Variants in APBB2 observed in about 807,000 individuals in gnomAD.
APBB2 encodes the protein amyloid beta precursor protein binding family B member 2, also known as Fe65-like 1.
APBB2 carries 38 observed loss-of-function variants against 82.5 expected under a neutral mutation model. The observed-to-expected ratio is 0.46, with a 90% CI of 0.36 to 0.60. APBB2 has a LOEUF of 0.60. APBB2 is among the 20% of genes least tolerant of loss of function. APBB2 has a pLI of 0.00. For missense variants in APBB2, 772 were observed against 972.3 expected, an observed-to-expected ratio of 0.79 and a Z score of 2.74; for synonymous variants, 341 against 368.2, an observed-to-expected ratio of 0.93 and a Z score of 0.85.
chr4:40,912,586 A>G (rs533055597), intron 10 of APBB2, among the ~76,000 whole-genome samples: 1 of 152,194 alleles, frequency 6.6e-6, no homozygotes, highest in East Asian at 1.9e-4. Context: ...CATAAAAAAA[A>G]AAAAAAAGGA....
At chr4:40,911,480 TAA>T (rs951712567) in intron 10 of APBB2, among the ~76,000 whole-genome samples, 5 of 152,216 alleles carry the variant, frequency 3.3e-5, no homozygotes, top group Admixed American at 6.5e-5. Flanking sequence ...CCTAGTGATA[TAA>T]AAGTCATATA....
chr4:40,907,002 C>T (rs1484171891), intron 10 of APBB2, among the ~76,000 whole-genome samples: 1 of 152,038 alleles, frequency 6.6e-6, no homozygotes, highest in Non-Finnish European at 1.5e-5. Context: ...ATATGCATGT[C>T]TATATGTGTA....
At chr4:41,176,251 A>T (rs1298171464) in intron 1 of APBB2, among the ~76,000 whole-genome samples, 2 of 152,214 alleles carry the variant, frequency 1.3e-5, no homozygotes, top group Admixed American at 6.5e-5. Flanking sequence ...AAGCATAAAG[A>T]GTCCAAAAAG....
intron 4 of APBB2, among the ~76,000 whole-genome samples, chr4:41,049,493 C>CCTCCAGGAGGGAG (rs1725069888): frequency 1.4e-5 from 2 of 146,826 alleles, no homozygotes; most frequent in African/African-American, 5.0e-5. Flanking sequence ...CCAGCCGCCC[C>CCTCCAGGAGGGAG]GTCCGGGAGG....
chr4:40,879,696 CT>C (rs928858768), intron 12 of APBB2, among the ~76,000 whole-genome samples: 195 of 142,128 alleles, frequency 1.4e-3, no homozygotes, highest in Admixed American at 1.5e-3. Context: ...TTTTTTCTTT[CT>C]TTTTTTTTTT....
intron 6 of APBB2, among the ~76,000 whole-genome samples, chr4:40,986,287 A>T (rs530576138): frequency 6.6e-6 from 1 of 152,220 alleles, no homozygotes; most frequent in Non-Finnish European, 1.5e-5. Context: ...TCTGGTTGTC[A>T]CCATGCAATC....
rs561083871 is a variant in APBB2, at chr4:40,893,355, G to A, written c.1311C>T (p.Pro437=). Residue 437 remains proline, a synonymous_variant, in exon 11 of 18, where the codon CCC becomes CCT. Transcript: ENST00000508593. ...WVEMAEEDLA[P]GKSSVAVNNC... ...TGTTGACCGCAACACTACTTTTACC[G>A]GGGGCGAGGTCCTCTTCTGCCATCT... The A allele has an allele frequency of 4.2e-5, 67 of 1,612,908 alleles. No homozygotes were observed. The Middle Eastern group carries it at 6.6e-4, about 16-fold the overall frequency.
At chr4:40,911,039 C>T (rs1019329551) in intron 10 of APBB2, among the ~76,000 whole-genome samples, 31 of 152,370 alleles carry the variant, frequency 2.0e-4, no homozygotes, top group African/African-American at 7.0e-4. Context: ...GTATGACACA[C>T]GGCAAGTTGC....
At chr4:40,983,244 G>GC (rs1799585903) in intron 6 of APBB2, among the ~76,000 whole-genome samples, 1 of 152,180 alleles carries the variant, frequency 6.6e-6, no homozygotes, top group Non-Finnish European at 1.5e-5. Flanking sequence ...AGGCAGTCTT[G>GC]CTCCACGGCC....
At chr4:41,054,319 T>C (rs1727086605) in intron 4 of APBB2, among the ~76,000 whole-genome samples, 1 of 152,206 alleles carries the variant, frequency 6.6e-6, no homozygotes, top group Admixed American at 6.5e-5. Flanking sequence ...CAGGTCTCAC[T>C]GGCCAGAAGT....
At chr4:40,902,973 T>A (rs576013043) in intron 10 of APBB2, among the ~76,000 whole-genome samples, 1 of 152,152 alleles carries the variant, frequency 6.6e-6, no homozygotes, top group African/African-American at 2.4e-5. Flanking sequence ...AGACATGGTC[T>A]GTAAAAAAAA....
At chr4:40,985,098 A>G (rs2154406644) in intron 6 of APBB2, among the ~76,000 whole-genome samples, 1 of 151,360 alleles carries the variant, frequency 6.6e-6, no homozygotes. Context: ...TTTTTTTTGT[A>G]GAGATGGGGT....
intron 1 of APBB2, among the ~76,000 whole-genome samples, chr4:41,161,633 A>G (rs550438971): frequency 3.3e-5 from 5 of 152,174 alleles, no homozygotes; most frequent in Non-Finnish European, 7.4e-5. Context: ...AAAATAAAGT[A>G]CAACATTCCA....
At chr4:40,843,907 T>C (rs1477813685) in intron 12 of APBB2, among the ~76,000 whole-genome samples, 1 of 152,176 alleles carries the variant, frequency 6.6e-6, no homozygotes, top group East Asian at 1.9e-4. Flanking sequence ...CGAATTCTAG[T>C]CTTAGATGCA....
At chr4:41,105,080 G>T (rs1477104252) in intron 2 of APBB2, among the ~76,000 whole-genome samples, 1 of 152,224 alleles carries the variant, frequency 6.6e-6, no homozygotes, top group Non-Finnish European at 1.5e-5. Flanking sequence ...AGAATGTGCT[G>T]AGGATTGAAA....
At chr4:40,855,618 C>A (rs1760938445) in intron 12 of APBB2, among the ~76,000 whole-genome samples, 1 of 152,058 alleles carries the variant, frequency 6.6e-6, no homozygotes. Flanking sequence ...CACTTATAGT[C>A]CCAGCTACTC....
intron 16 of APBB2, among the ~76,000 whole-genome samples, chr4:40,823,180 C>T (rs1415476536): frequency 6.6e-6 from 1 of 152,194 alleles, no homozygotes; most frequent in Non-Finnish European, 1.5e-5. Flanking sequence ...CTCTGTGCTT[C>T]AATTTCTTCA....
At chr4:40,884,595 A>G (rs1452190967) in intron 12 of APBB2, among the ~76,000 whole-genome samples, 1 of 152,102 alleles carries the variant, frequency 6.6e-6, no homozygotes, top group Non-Finnish European at 1.5e-5. Context: ...TGGGCAACAA[A>G]GTGAGACCCC....
chr4:41,175,377 A>T (rs1769468883), intron 1 of APBB2, among the ~76,000 whole-genome samples: 1 of 152,196 alleles, frequency 6.6e-6, no homozygotes. Flanking sequence ...TTCCAACTAC[A>T]TTTATTAAAA....
Sources: gnomAD v4.1 joint callset for allele counts (sites outside exome capture counted in the v4.1 genomes callset) on GRCh38, gnomAD v4.1.1 for gene constraint, MANE v1.5 for transcripts, NCBI Gene and HGNC (gene_info 2026-07-23, HGNC 2026-07-21) for gene names.